The following HGS variants were observed in gnomAD, a reference collection of about 807,000 sequenced individuals.
HGS encodes the protein hepatocyte growth factor-regulated tyrosine kinase substrate.
HGS carries 63 observed loss-of-function variants against 109.7 expected under a neutral mutation model. The observed-to-expected ratio is 0.57, with a 90% CI of 0.47 to 0.71. HGS has a LOEUF of 0.71. HGS is among the 30% of genes least tolerant of loss of function. The pLI is 0.00. For missense variants in HGS, 995 were observed against 1,068.3 expected (o/e 0.93, Z 0.96); for synonymous variants, 546 against 437.3 (o/e 1.25, Z -3.10).
At position 81,691,149 on chromosome 17, in the gene HGS, C is replaced by T. The variant is rs1221059849; in HGVS notation, c.538-298C>T. ...TGGGGTTTGGGGTGTCAGCAGCTTCCAGCACCCACTGCACTCACAAAAGCT... is the reference window on the plus strand; with the variant it reads ...TGGGGTTTGGGGTGTCAGCAGCTTCTAGCACCCACTGCACTCACAAAAGCT... On this transcript the variant is annotated intron_variant, in intron 7 of 21. Transcript: ENST00000329138. The surrounding 1 kb of genome is among the most constrained non-coding windows in gnomAD (Gnocchi z 5.3). 6.7e-6 allele frequency: 3 copies of T among 450,722 alleles called. No homozygotes were observed. The highest frequency in any genetic ancestry group is 3.5e-5 in the Admixed American group (1 of 28,202). 27.9% of individuals were successfully genotyped at this position (450,722 alleles called of 1,614,324 possible).
In HGS at chr17:81,691,342, C is replaced by G. The variant is rs1031446817; in HGVS notation, c.538-105C>G. The G allele has an allele frequency of 2.1e-5, 30 of 1,427,450 alleles. No individual in the cohort carries two copies. Among genetic ancestry groups the G allele is most frequent in the African/African-American group, 1.3e-4 (9 of 71,932 alleles). The allele number at this position is 1,427,450 out of a possible 1,614,324, so 88.4% of individuals were successfully genotyped here. A position where few individuals can be genotyped will look rare whatever the true frequency, so the allele number is the denominator to read the frequency against. ...GTTCTGCTTGTCCCTTGCCTTCCCCCACCTGTGAGGCCCAGCTTCGGCATC... is the reference window on the plus strand; with the variant it reads ...GTTCTGCTTGTCCCTTGCCTTCCCCGACCTGTGAGGCCCAGCTTCGGCATC... On this transcript the variant is annotated intron_variant, in intron 7 of 21. Coordinates refer to ENST00000329138, the MANE Select transcript of HGS (RefSeq NM_004712.5). The surrounding 1 kb of genome is among the most constrained non-coding windows in gnomAD (Gnocchi z 5.3).
At chr17:81,693,806 G>A in intron 10 of HGS, 54 bp downstream of exon 10, 1 of 1,550,180 alleles carries the variant, frequency 6.5e-7, no homozygotes, top group Non-Finnish European at 8.7e-7. Flanking sequence ...CCCTGGATGT[G>A]CTGCGGTGGG....
intron 8 of HGS, chr17:81,692,421 A>G (rs1010319433): frequency 6.6e-6 from 1 of 152,166 alleles, no homozygotes; most frequent in East Asian, 1.9e-4. Flanking sequence ...TGCCCTCCTC[A>G]GGACATCCCA....
At chr17:81,693,127 C>T (rs1470962523) in intron 8 of HGS, 3 of 228,516 alleles carry the variant, frequency 1.3e-5, no homozygotes, top group Non-Finnish European at 2.5e-5. Flanking sequence ...GAAGAGCTTA[C>T]TGGGCATGAC....
At chr17:81,696,174 TGCC>T in intron 15 of HGS, 175 bp downstream of exon 15, 1 of 797,726 alleles carries the variant, frequency 1.3e-6, no homozygotes, top group Non-Finnish European at 1.9e-6. Flanking sequence ...TGCCCTGCCC[TGCC>T]CTGCCCTGCC....
intron 7 of HGS, 199 bp downstream of exon 7, chr17:81,690,941 C>A: frequency 1.8e-6 from 1 of 545,314 alleles, no homozygotes; most frequent in Non-Finnish European, 3.2e-6. Context: ...CTGCCTGGGC[C>A]GGGCCCAGCC....
At chr17:81,689,150 A>G (rs2037027319) in intron 5 of HGS, among the ~76,000 whole-genome samples, 1 of 152,192 alleles carries the variant, frequency 6.6e-6, no homozygotes, top group Admixed American at 6.5e-5. Context: ...AAGGCCTCTG[A>G]AGGAGCTGTC....
intron 4 of HGS, among the ~76,000 whole-genome samples, chr17:81,687,656 C>T (rs570229707): frequency 1.3e-5 from 2 of 152,298 alleles, no homozygotes; most frequent in African/African-American, 4.8e-5. Flanking sequence ...GGGACATCTG[C>T]AGGGATTGTG....
chr17:81,688,598 C>T, intron 4 of HGS, 106 bp from the exon 5 acceptor site: 2 of 1,420,530 alleles, frequency 1.4e-6, no homozygotes, highest in Non-Finnish European at 1.9e-6. Context: ...GCCTCTGTGT[C>T]AGCCCCATCT....
At chr17:81,688,272 C>T (rs143944118) in intron 4 of HGS, among the ~76,000 whole-genome samples, 45 of 151,584 alleles carry the variant, frequency 3.0e-4, no homozygotes, top group African/African-American at 9.5e-4. Context: ...ATTTCTGGAG[C>T]GGCTGCCCCC....
rs765685684 is a variant in HGS at position 81,691,589 on chromosome 17, A to T, written c.662+18A>T. 1 of 1,613,322 alleles carries T rather than the reference A, an allele frequency of 6.2e-7. No individual in the cohort carries two copies. The highest frequency in any genetic ancestry group is 8.5e-7 in the Non-Finnish European group (1 of 1,179,618). ...CTGAACAGGTGAGTCCCCGCCCCCC[A>T]TTTGGGCTGCAGGTGGGGCAGGCTC... On this transcript the variant is annotated intron_variant, in intron 8 of 21. Transcript: ENST00000329138. This position sits in a 1 kb window ranked among gnomAD's most constrained non-coding sequence, Gnocchi z 5.3.
chr17:81,693,976 C>T lies in HGS; in HGVS notation c.936+11C>T, dbSNP rs2037106683. 1 of 1,600,426 alleles carries T rather than the reference C, an allele frequency of 6.2e-7. No individual in the cohort carries two copies. Among genetic ancestry groups the T allele is most frequent in the Non-Finnish European group, 8.5e-7 (1 of 1,175,486 alleles). On this transcript the variant is annotated intron_variant, in intron 11 of 21. Transcript: ENST00000329138. Reference sequence around the variant, plus strand: ...TACTCTTCACCTGTGGTGAGCGGCCCTTGGGCTGGAGCTCCCTCTCCTGGA... The same window carrying T: ...TACTCTTCACCTGTGGTGAGCGGCCTTTGGGCTGGAGCTCCCTCTCCTGGA...
intron 18 of HGS, chr17:81,698,267 A>G (rs941499801): frequency 1.3e-5 from 2 of 152,282 alleles, no homozygotes; most frequent in African/African-American, 2.4e-5. Flanking sequence ...ACCACACTCT[A>G]GCCTGAGCAA....
In HGS at chr17:81,696,856, C is replaced by A. The variant is rs371006044; in HGVS notation, c.1740C>A (p.Leu580=). The part of the protein sequence containing the change: ...LQAMPAAGGV[L]YQPSGPASFP... Reference sequence around the variant, plus strand: ...CCATGCCCGCAGCCGGAGGTGTGCTCTACCAGCCCTCGGGACCAGCCAGCT... The same window carrying A: ...CCATGCCCGCAGCCGGAGGTGTGCTATACCAGCCCTCGGGACCAGCCAGCT... The change falls in exon 18 of 22, where the codon CTC becomes CTA. Residue 580 remains leucine, a synonymous_variant. Coordinates refer to ENST00000329138, the MANE Select transcript of HGS (RefSeq NM_004712.5). The A allele has an allele frequency of 3.7e-6, 6 of 1,611,162 alleles. No homozygotes were observed. In the East Asian group the frequency reaches 1.1e-4, roughly 30 times the overall value.
chr17:81,695,358 G>GCCTGC lies in HGS; in HGVS notation c.1179+149_1179+153dup, dbSNP rs960462351. ...GGGTGTCTGCCCCAGCCCAGCCCTG[G>GCCTGC]CCTGCCCTGCCCTGCCCTTTGTGGC... On this transcript the variant is annotated intron_variant, in intron 14 of 21. Coordinates refer to ENST00000329138, the MANE Select transcript of HGS (RefSeq NM_004712.5). 4.9e-5 allele frequency: 45 copies of GCCTGC among 920,962 alleles called. 1 individual carries two copies. Among genetic ancestry groups the GCCTGC allele is most frequent in the East Asian group, 2.8e-4 (11 of 39,050 alleles). 57.0% of individuals were successfully genotyped at this position (920,962 alleles called of 1,614,324 possible). A position where few individuals can be genotyped will look rare whatever the true frequency, so the allele number is the denominator to read the frequency against.
intron 1 of HGS, 27 bp downstream of exon 1, chr17:81,684,130 G>A (rs1052498924): frequency 1.3e-6 from 2 of 1,537,146 alleles, no homozygotes; most frequent in Non-Finnish European, 1.7e-6. Flanking sequence ...CGACGGCTCG[G>A]CCTTGGTCAG....
At position 81,696,221 on chromosome 17, in the gene HGS, T is replaced by TC; in HGVS notation, c.1394-131dup. 3 of 1,213,082 alleles carry TC rather than the reference T, an allele frequency of 2.5e-6. 1 individual carries two copies. The South Asian group carries it at 4.8e-5, about 19-fold the overall frequency. The allele number at this position is 1,213,082 out of a possible 1,614,324, so 75.1% of individuals were successfully genotyped here. A position where few individuals can be genotyped will look rare whatever the true frequency, so the allele number is the denominator to read the frequency against. On this transcript the variant is annotated intron_variant, in intron 15 of 21. Transcript: ENST00000329138. ...CCCTGCCCAGGACCCTCTGCCTGCC[T>TC]CCCCCAGAGCCCAGCACCTTCAGAG...
At chr17:81,696,280 T>C in intron 15 of HGS, 77 bp from the exon 16 acceptor site, 2 of 1,445,032 alleles carry the variant, frequency 1.4e-6, no homozygotes, top group Non-Finnish European at 9.1e-7. Flanking sequence ...GGGCGGCCCA[T>C]CTGCGTGTCC....
intron 5 of HGS, among the ~76,000 whole-genome samples, chr17:81,689,235 G>T (rs576943751): frequency 5.4e-4 from 83 of 152,360 alleles, no homozygotes; most frequent in Admixed American, 1.2e-3. Context: ...GACACTCAGG[G>T]TTGAGGCCCC....
Sources: allele counts gnomAD v4.1 joint callset (sites outside exome capture counted in the v4.1 genomes callset), GRCh38; gene constraint gnomAD v4.1.1; non-coding constraint Gnocchi (gnomAD v3.1); transcripts MANE v1.5; gene names NCBI Gene and HGNC (gene_info 2026-07-23, HGNC 2026-07-21).